KIAA0825: variants seen among roughly 807,000 people sequenced by gnomAD.
KIAA0825 encodes uncharacterized protein KIAA0825.
A neutral mutation model predicts 147.6 loss-of-function variants in KIAA0825; 119 were observed. The ratio of observed to expected loss-of-function variants is 0.81; its 90% CI spans 0.69 to 0.94. KIAA0825 has a LOEUF of 0.94. KIAA0825 is among the 40% of genes least tolerant of loss of function. The pLI is 0.00. For missense variants in KIAA0825, 1,381 were observed against 1,472.7 expected, an observed-to-expected ratio of 0.94 and a Z score of 1.02; for synonymous variants, 470 against 518.1, an observed-to-expected ratio of 0.91 and a Z score of 1.26.
intron 20 of KIAA0825, among the ~76,000 whole-genome samples, chr5:94,288,715 A>G (rs557800432): frequency 1.8e-4 from 27 of 152,328 alleles, no homozygotes; most frequent in South Asian, 4.1e-4. Context: ...AAAATAATGG[A>G]AACTTTTGTA....
intron 5 of KIAA0825, among the ~76,000 whole-genome samples, chr5:94,492,504 T>C (rs550412544): frequency 6.6e-6 from 1 of 152,320 alleles, no homozygotes; most frequent in African/African-American, 2.4e-5. Flanking sequence ...CACATTACAA[T>C]GGTTAGTTTG....
intron 20 of KIAA0825, among the ~76,000 whole-genome samples, chr5:94,343,201 T>C (rs1156684394): frequency 6.6e-6 from 1 of 152,188 alleles, no homozygotes; most frequent in Non-Finnish European, 1.5e-5. Flanking sequence ...ATAATGTAAA[T>C]TCACTGAAAT....
At chr5:94,609,341 T>C (rs899123236) in intron 1 of KIAA0825, among the ~76,000 whole-genome samples, 3 of 152,166 alleles carry the variant, frequency 2.0e-5, no homozygotes, top group African/African-American at 7.2e-5. Flanking sequence ...CCACTAAAAT[T>C]TTTGTTTTGA....
chr5:94,219,381 C>T (rs1773488496), intron 20 of KIAA0825, among the ~76,000 whole-genome samples: 1 of 152,132 alleles, frequency 6.6e-6, no homozygotes. Context: ...TCACCTCCTG[C>T]TGTGTGGCCT....
chr5:94,197,366 G>C (rs1771232119), intron 20 of KIAA0825, among the ~76,000 whole-genome samples: 2 of 152,132 alleles, frequency 1.3e-5, no homozygotes, highest in Admixed American at 1.3e-4. Flanking sequence ...CTGGATATGA[G>C]ACCTTTCTCT....
intron 1 of KIAA0825, among the ~76,000 whole-genome samples, chr5:94,584,088 G>C (rs1006664233): frequency 1.3e-5 from 2 of 152,178 alleles, no homozygotes; most frequent in African/African-American, 4.8e-5. Flanking sequence ...GGAGAAACTA[G>C]AGCAGAAAGA....
chr5:94,165,788 G>A (rs566439696), intron 20 of KIAA0825, among the ~76,000 whole-genome samples: 1 of 152,232 alleles, frequency 6.6e-6, no homozygotes, highest in South Asian at 2.1e-4. Context: ...CTTATTTGTG[G>A]TATCTAAAAA....
At chr5:94,449,721 C>T (rs554466528) in intron 13 of KIAA0825, among the ~76,000 whole-genome samples, 1 of 152,252 alleles carries the variant, frequency 6.6e-6, no homozygotes, top group South Asian at 2.1e-4. Flanking sequence ...ATAGAGGTTA[C>T]AGGTTAAGCC....
Position 94,151,126 on chromosome 5 carries a change from A to T in KIAA0825, c.*2881T>A, listed in dbSNP as rs1286053661. Among the ~76,000 whole-genome samples, 1 of 152,094 alleles carries T rather than the reference A, an allele frequency of 6.6e-6. No homozygotes were observed. The highest frequency in any genetic ancestry group is 1.5e-5 in the Non-Finnish European group (1 of 68,006). ...TGAAATACCACTTCTTATTATACTTAAAAAAACATGGCCGGGCGCGGTGGC... is the reference window on the plus strand; with the variant it reads ...TGAAATACCACTTCTTATTATACTTTAAAAAACATGGCCGGGCGCGGTGGC... On this transcript the variant is annotated 3_prime_UTR_variant, in exon 21 of 21. Coordinates refer to ENST00000682413, the MANE Select transcript of KIAA0825 (RefSeq NM_001145678.3).
intron 2 of KIAA0825, among the ~76,000 whole-genome samples, chr5:94,543,504 A>C (rs1270372356): frequency 6.6e-6 from 1 of 152,134 alleles, no homozygotes; most frequent in Non-Finnish European, 1.5e-5. Context: ...TTCCTCACTG[A>C]TGCTTGAGAA....
chr5:94,211,644 T>C (rs528559926), intron 20 of KIAA0825, among the ~76,000 whole-genome samples: 3 of 152,182 alleles, frequency 2.0e-5, no homozygotes, highest in Non-Finnish European at 4.4e-5. Context: ...AAGTAAGATC[T>C]ATCTTCCGTA....
intron 20 of KIAA0825, among the ~76,000 whole-genome samples, chr5:94,296,674 G>A (rs1043101264): frequency 1.3e-5 from 2 of 152,108 alleles, no homozygotes; most frequent in South Asian, 4.2e-4. Context: ...CTGATCCTTT[G>A]CACTTCCCGG....
intron 1 of KIAA0825, among the ~76,000 whole-genome samples, chr5:94,596,108 T>A (rs902278151): frequency 6.6e-6 from 1 of 152,240 alleles, no homozygotes; most frequent in Non-Finnish European, 1.5e-5. Context: ...AGGTACTATT[T>A]GTCAATTTTT....
chr5:94,216,969 A>T (rs1773259841), intron 20 of KIAA0825, among the ~76,000 whole-genome samples: 1 of 152,198 alleles, frequency 6.6e-6, no homozygotes, highest in Admixed American at 6.5e-5. Context: ...TATTGTGATT[A>T]TCTTGACTTT....
intron 12 of KIAA0825, among the ~76,000 whole-genome samples, chr5:94,453,856 G>T (rs1239995510): frequency 1.3e-5 from 2 of 151,930 alleles, no homozygotes; most frequent in Non-Finnish European, 2.9e-5. Flanking sequence ...CTTCATTAAT[G>T]TAAAAATTTT....
chr5:94,387,858 G>A (rs1348771709), intron 18 of KIAA0825, among the ~76,000 whole-genome samples: 1 of 152,130 alleles, frequency 6.6e-6, no homozygotes. Flanking sequence ...TCTGGTCTCA[G>A]TTCACTGTGC....
At chr5:94,474,399 G>A (rs188169938) in intron 7 of KIAA0825, among the ~76,000 whole-genome samples, 183 of 152,204 alleles carry the variant, frequency 1.2e-3, no homozygotes, top group African/African-American at 3.8e-3. Context: ...TTACAGTAAC[G>A]TGCCACCTAC....
chr5:94,602,410 G>A (rs1046301316), intron 1 of KIAA0825, among the ~76,000 whole-genome samples: 8 of 152,056 alleles, frequency 5.3e-5, no homozygotes, highest in Non-Finnish European at 1.2e-4. Context: ...TAATCATCAG[G>A]TTCTTCAAGG....
At chr5:94,304,312 G>A (rs889756942) in intron 20 of KIAA0825, among the ~76,000 whole-genome samples, 1 of 152,064 alleles carries the variant, frequency 6.6e-6, no homozygotes, top group Non-Finnish European at 1.5e-5. Context: ...AGGGATTGTT[G>A]TAAGTGAAGG....
Sources: gnomAD v4.1 joint callset for allele counts (sites outside exome capture counted in the v4.1 genomes callset) on GRCh38, gnomAD v4.1.1 for gene constraint, MANE v1.5 for transcripts, NCBI Gene and HGNC (gene_info 2026-07-23, HGNC 2026-07-21) for gene names.